Variants in MAPK10 observed in about 807,000 individuals in gnomAD.
The protein encoded by MAPK10 is mitogen-activated protein kinase 10, also known as JNK3 alpha protein kinase.
In MAPK10, 25 loss-of-function variants were observed where a neutral mutation model predicts 59.3. The ratio of observed to expected loss-of-function variants is 0.42; its 90% CI spans 0.31 to 0.59. The LOEUF is 0.59. MAPK10 is among the 20% of genes least tolerant of loss of function. The probability of loss-of-function intolerance (pLI) is 0.15; values close to 1 mark genes in which losing one functional copy is unlikely to be tolerated. For synonymous variants in MAPK10, 190 were observed against 200.5 expected, an observed-to-expected ratio of 0.95 and a Z score of 0.44; for missense variants, 351 against 568.9, an observed-to-expected ratio of 0.62 and a Z score of 3.90.
At chr4:86,522,800 T>A (rs1166757922) in intron 1 of MAPK10, among the ~76,000 whole-genome samples, 1 of 152,214 alleles carries the variant, frequency 6.6e-6, no homozygotes, top group Non-Finnish European at 1.5e-5. Context: ...TGTTCATACA[T>A]ATTTTTATCC....
At chr4:86,170,237 A>C (rs557532559) in intron 3 of MAPK10, among the ~76,000 whole-genome samples, 10 of 152,296 alleles carry the variant, frequency 6.6e-5, no homozygotes, top group African/African-American at 2.4e-4. Context: ...AAATGGACTA[A>C]ATGGTCCAAT....
chr4:86,265,529 A>G (rs937182308), intron 2 of MAPK10, among the ~76,000 whole-genome samples: 2 of 151,756 alleles, frequency 1.3e-5, no homozygotes, highest in African/African-American at 4.8e-5. Context: ...AAAAAGTATT[A>G]TGATATGGAT....
intron 3 of MAPK10, chr4:86,193,048 G>A (rs1247411707): frequency 6.6e-6 from 1 of 152,340 alleles, no homozygotes; most frequent in Non-Finnish European, 1.5e-5. Flanking sequence ...AGCTCTGCTG[G>A]AGTTTGCTGG....
At chr4:86,570,032 C>G (rs1761341328) in intron 1 of MAPK10, among the ~76,000 whole-genome samples, 1 of 152,108 alleles carries the variant, frequency 6.6e-6, no homozygotes, top group African/African-American at 2.4e-5. Flanking sequence ...TACTATCCAT[C>G]AAGATAAAAG....
At chr4:86,569,199 T>G (rs1236609777) in intron 1 of MAPK10, among the ~76,000 whole-genome samples, 1 of 152,082 alleles carries the variant, frequency 6.6e-6, no homozygotes, top group African/African-American at 2.4e-5. Flanking sequence ...TATGAAAATA[T>G]GCTCAACATC....
intron 2 of MAPK10, among the ~76,000 whole-genome samples, chr4:86,215,352 A>G (rs2087181887): frequency 6.6e-6 from 1 of 152,204 alleles, no homozygotes; most frequent in South Asian, 2.1e-4. Context: ...TGGATTGTCA[A>G]TGATTTCTTG....
At chr4:86,423,258 C>T (rs1027959577) in intron 1 of MAPK10, among the ~76,000 whole-genome samples, 9 of 152,038 alleles carry the variant, frequency 5.9e-5, no homozygotes, top group Non-Finnish European at 1.3e-4. Flanking sequence ...TCAGGTGAAA[C>T]TAGGTAGAAG....
At chr4:86,199,458 C>A (rs1293198356) in intron 2 of MAPK10, among the ~76,000 whole-genome samples, 2 of 151,706 alleles carry the variant, frequency 1.3e-5, no homozygotes, top group Non-Finnish European at 2.9e-5. Flanking sequence ...AAAATATGCA[C>A]AACTAAACAA....
In MAPK10 at chr4:86,406,662, G is replaced by A. The variant is rs568354273; in HGVS notation, c.-122+46368C>T. Reference sequence around the variant, plus strand: ...AAATCCTATTAACCTCTATAGGAAAGGCACCAGGTTCAAGAGGCCAGAGAG... The same window carrying A: ...AAATCCTATTAACCTCTATAGGAAAAGCACCAGGTTCAAGAGGCCAGAGAG... On this transcript the variant is annotated intron_variant, in intron 1 of 13. Transcript: ENST00000361569. Among the ~76,000 whole-genome samples the A allele has an allele frequency of 2.6e-3, 390 of 152,310 alleles. 1 individual carries two copies. Among genetic ancestry groups the A allele is most frequent in the Admixed American group, 4.8e-3 (74 of 15,308 alleles).
intron 1 of MAPK10, among the ~76,000 whole-genome samples, chr4:86,587,966 A>G (rs577944135): frequency 1.3e-5 from 2 of 152,298 alleles, no homozygotes; most frequent in East Asian, 3.9e-4. Flanking sequence ...GCTGTGTAGT[A>G]TGGCTGTGCC....
chr4:86,525,161 G>T (rs1757387126), intron 1 of MAPK10, among the ~76,000 whole-genome samples: 1 of 152,100 alleles, frequency 6.6e-6, no homozygotes, highest in South Asian at 2.1e-4. Context: ...GCCAGGAGTG[G>T]TGGTGCCCTC....
intron 1 of MAPK10, among the ~76,000 whole-genome samples, chr4:86,379,638 G>A (rs1167813143): frequency 1.3e-5 from 2 of 152,208 alleles, no homozygotes; most frequent in Non-Finnish European, 2.9e-5. Flanking sequence ...GTGCCTTAAG[G>A]ATGTGCTCCT....
chr4:86,045,282 GA>G (rs35867054), intron 11 of MAPK10, among the ~76,000 whole-genome samples: 1 of 151,992 alleles, frequency 6.6e-6, no homozygotes, highest in Non-Finnish European at 1.5e-5. Flanking sequence ...TTCTTTAACT[GA>G]AAAGTTTCAG....
At chr4:86,147,982 C>T (rs779921165) in intron 4 of MAPK10, among the ~76,000 whole-genome samples, 5 of 152,268 alleles carry the variant, frequency 3.3e-5, no homozygotes, top group East Asian at 1.9e-4. Flanking sequence ...ACTATACACA[C>T]ATTCAAACAT....
At chr4:86,354,035 C>T (rs559375848) in intron 2 of MAPK10, among the ~76,000 whole-genome samples, 2 of 152,176 alleles carry the variant, frequency 1.3e-5, no homozygotes, top group African/African-American at 4.8e-5. Flanking sequence ...GATTTGTAGG[C>T]TAAAATGCCC....
At chr4:86,275,821 T>C (rs1404380724) in intron 2 of MAPK10, among the ~76,000 whole-genome samples, 2 of 152,108 alleles carry the variant, frequency 1.3e-5, no homozygotes, top group African/African-American at 4.8e-5. Flanking sequence ...GGCTAAAACA[T>C]TGTTCCATCT....
At chr4:86,423,649 C>T (rs1746821645) in intron 1 of MAPK10, among the ~76,000 whole-genome samples, 1 of 151,294 alleles carries the variant, frequency 6.6e-6, no homozygotes, top group African/African-American at 2.4e-5. Context: ...TGTGAAGGGG[C>T]ATTAATATAG....
chr4:86,529,175 C>T (rs542075666), intron 1 of MAPK10, among the ~76,000 whole-genome samples: 2 of 152,268 alleles, frequency 1.3e-5, no homozygotes, highest in African/African-American at 2.4e-5. Flanking sequence ...TCTCCGGGCT[C>T]GATGAGGACC....
chr4:86,330,381 C>G (rs2096124277), intron 2 of MAPK10, among the ~76,000 whole-genome samples: 1 of 152,198 alleles, frequency 6.6e-6, no homozygotes, highest in African/African-American at 2.4e-5. Context: ...AAGGGAAGCC[C>G]TGGTACAGAC....
Sources: gnomAD v4.1 joint callset for allele counts (sites outside exome capture counted in the v4.1 genomes callset) on GRCh38, gnomAD v4.1.1 for gene constraint, MANE v1.5 for transcripts, NCBI Gene and HGNC (gene_info 2026-07-23, HGNC 2026-07-21) for gene names.